The following C10orf71 variants were observed in gnomAD, a reference collection of about 807,000 sequenced individuals.
C10orf71 encodes cardiac-enriched FHL2-interacting protein.
For synonymous variants in C10orf71, 758 were observed against 726.3 expected (o/e 1.04, Z -0.70); for missense variants, 1,869 against 1,804.5 (o/e 1.04, Z -0.65).
Position 49,323,881 on chromosome 10 carries a change from C to T in C10orf71, c.1336C>T (p.Leu446Phe). Reference protein sequence around the residue: ...HYDPPFNISKLLTPIIPSKHA... With the variant: ...HYDPPFNISKFLTPIIPSKHA... ...TGATCCCCCCTTTAACATCAGTAAG[C>T]TCCTGACCCCCATCATACCCAGCAA... Residue 446 changes from leucine to phenylalanine, a missense_variant, in exon 3 of 3, where the codon CTC becomes TTC. Physicochemically the swap from Leu to Phe is conservative, Grantham distance 22. Transcript: ENST00000374144. 6.2e-7 allele frequency: 1 copy of T among 1,613,592 alleles called. No individual in the cohort carries two copies. The highest frequency in any genetic ancestry group is 1.1e-5 in the South Asian group (1 of 91,054).
At position 49,325,443 on chromosome 10, in the gene C10orf71, G is replaced by A; in HGVS notation, c.2898G>A (p.Glu966=). 2 of 1,550,080 alleles carry A rather than the reference G, an allele frequency of 1.3e-6. No individual in the cohort carries two copies. The highest frequency in any genetic ancestry group is 1.7e-6 in the Non-Finnish European group (2 of 1,145,762). ...GNFPSMPLVG[E]GDRVKAPPDA... is the part of the protein sequence containing the mutation. Reference sequence around the variant, plus strand: ...TCCCATCTATGCCTCTGGTGGGAGAGGGGGACCGGGTGAAGGCACCACCAG... The same window carrying A: ...TCCCATCTATGCCTCTGGTGGGAGAAGGGGACCGGGTGAAGGCACCACCAG... The change falls in exon 3 of 3, where the codon GAG becomes GAA. Residue 966 remains glutamate, a synonymous_variant. Coordinates refer to ENST00000374144, the MANE Select transcript of C10orf71 (RefSeq NM_001135196.2).
rs1849163867 is a variant in C10orf71 at position 49,324,155 on chromosome 10, C to G, written c.1610C>G (p.Pro537Arg). ...GGTAAGGTTGATGGAAAGCAAGAAC[C>G]TGTGAGCAACGGTGTCATCCTCCCC... ...TRGKVDGKQE[P>R]VSNGVILPNG... Residue 537 changes from proline (P) to arginine (R), a missense_variant, in exon 3 of 3, where the codon CCT (proline) becomes CGT (arginine). Transcript: ENST00000374144. 1 of 1,613,888 alleles carries G rather than the reference C, an allele frequency of 6.2e-7. No individual in the cohort carries two copies. Among genetic ancestry groups the G allele is most frequent in the Non-Finnish European group, 8.5e-7 (1 of 1,179,916 alleles).
chr10:49,316,939 A>G (rs1849008882), intron 2 of C10orf71, among the ~76,000 whole-genome samples: 1 of 152,228 alleles, frequency 6.6e-6, no homozygotes, highest in African/African-American at 2.4e-5. Flanking sequence ...TATTCAAAAA[A>G]CAAATAGTGA....
chr10:49,309,801 T>C (rs188744584), intron 1 of C10orf71, among the ~76,000 whole-genome samples: 43 of 152,254 alleles, frequency 2.8e-4, no homozygotes, highest in African/African-American at 9.6e-4. Context: ...TCGTCACACA[T>C]GCCTGAGTCG....
chr10:49,313,606 C>T (rs551570144), intron 1 of C10orf71, among the ~76,000 whole-genome samples: 5 of 152,214 alleles, frequency 3.3e-5, no homozygotes, highest in South Asian at 2.1e-4. Context: ...ACACAATGAC[C>T]GTGGAGATGG....
At chr10:49,319,577 G>A (rs1319927302) in intron 2 of C10orf71, among the ~76,000 whole-genome samples, 1 of 151,488 alleles carries the variant, frequency 6.6e-6, no homozygotes, top group Non-Finnish European at 1.5e-5. Flanking sequence ...CTACATTTGT[G>A]GCAACATTTT....
At chr10:49,315,944 T>C (rs1848992834) in intron 1 of C10orf71, among the ~76,000 whole-genome samples, 1 of 152,154 alleles carries the variant, frequency 6.6e-6, no homozygotes, top group African/African-American at 2.4e-5. Context: ...TAATCCCAGC[T>C]ACTTGGGTGG....
At position 49,325,506 on chromosome 10, in the gene C10orf71, C is replaced by A. The variant is rs866082565; in HGVS notation, c.2961C>A (p.Ser987Arg). 1 of 1,550,468 alleles carries A rather than the reference C, an allele frequency of 6.4e-7. No individual in the cohort carries two copies. Reference sequence around the variant, plus strand: ...GCCTCGTGGCAAGCAATTGCAAGAGCGGTTCTGCAGACTCAGGGAAGCTGG... The same window carrying A: ...GCCTCGTGGCAAGCAATTGCAAGAGAGGTTCTGCAGACTCAGGGAAGCTGG... ...APGLVASNCK[S>R]GSADSGKLAA... The change falls in exon 3 of 3, where the codon AGC becomes AGA. Residue 987 changes from serine (S) to arginine (R), a missense_variant. Coordinates refer to ENST00000374144, the MANE Select transcript of C10orf71 (RefSeq NM_001135196.2).
At position 49,326,204 on chromosome 10, in the gene C10orf71, G is replaced by A; in HGVS notation, c.3659G>A (p.Arg1220Lys). The change falls in exon 3 of 3, where the codon AGG (arginine) becomes AAG (lysine). Residue 1220 changes from arginine (R) to lysine (K), a missense_variant. By Grantham distance (26) the Arg-to-Lys change is conservative. Coordinates refer to ENST00000374144, the MANE Select transcript of C10orf71 (RefSeq NM_001135196.2). ...GAGGACTTGGAGCAGACACAGCAAA[G>A]GCCGCTGTGCCCCAGAGAGAGGCCC... ...CPEDLEQTQQ[R>K]PLCPRERPRH... 6.4e-7 allele frequency: 1 copy of A among 1,551,348 alleles called. No homozygotes were observed. The highest frequency in any genetic ancestry group is 2.0e-5 in the Admixed American group (1 of 51,006).
Position 49,324,069 on chromosome 10 carries a change from G to T in C10orf71, c.1524G>T (p.Lys508Asn). Reference sequence around the variant, plus strand: ...TGTTCAACCTCAAGGACGTGCGGAAGCGTGTTAAGAGCACATACAGTTCCT... The same window carrying T: ...TGTTCAACCTCAAGGACGTGCGGAATCGTGTTAAGAGCACATACAGTTCCT... ...SLLFNLKDVR[K>N]RVKSTYSSSP... The change falls in exon 3 of 3, where the codon AAG (lysine) becomes AAT (asparagine). Residue 508 changes from lysine (K) to asparagine (N), a missense_variant. Coordinates refer to ENST00000374144, the MANE Select transcript of C10orf71 (RefSeq NM_001135196.2). 6.2e-7 allele frequency: 1 copy of T among 1,613,962 alleles called. No homozygotes were observed. Among genetic ancestry groups the T allele is most frequent in the Non-Finnish European group, 8.5e-7 (1 of 1,179,888 alleles).
intron 1 of C10orf71, among the ~76,000 whole-genome samples, chr10:49,309,202 G>A (rs550436650): frequency 6.6e-6 from 1 of 152,344 alleles, no homozygotes; most frequent in East Asian, 1.9e-4. Context: ...GCTATGGGCT[G>A]AATGTGTGTG....
chr10:49,318,959 C>T (rs1849044368), intron 2 of C10orf71, among the ~76,000 whole-genome samples: 1 of 152,240 alleles, frequency 6.6e-6, no homozygotes. Flanking sequence ...CTTCACCATC[C>T]ATCCCCTGGA....
chr10:49,303,073 T>A (rs1385591864), intron 1 of C10orf71, among the ~76,000 whole-genome samples: 2 of 152,172 alleles, frequency 1.3e-5, no homozygotes, highest in African/African-American at 4.8e-5. Flanking sequence ...TATTTAGAGA[T>A]TTTTTTCTTC....
Position 49,324,185 on chromosome 10 carries a change from G to C in C10orf71, c.1640G>C (p.Gly547Ala), listed in dbSNP as rs1564691185. ...PVSNGVILPN[G>A]LEESPPNELS... Reference sequence around the variant, plus strand: ...AGCAACGGTGTCATCCTCCCCAATGGGCTTGAGGAAAGCCCTCCAAATGAG... The same window carrying C: ...AGCAACGGTGTCATCCTCCCCAATGCGCTTGAGGAAAGCCCTCCAAATGAG... The change falls in exon 3 of 3, where the codon GGG becomes GCG. Residue 547 changes from glycine to alanine, a missense_variant. Transcript: ENST00000374144. 6.2e-7 allele frequency: 1 copy of C among 1,613,892 alleles called. No homozygotes were observed. Among genetic ancestry groups the C allele is most frequent in the Non-Finnish European group, 8.5e-7 (1 of 1,179,884 alleles).
Position 49,326,095 on chromosome 10 carries a change from G to C in C10orf71, c.3550G>C (p.Ala1184Pro). The C allele has an allele frequency of 6.4e-7, 1 of 1,551,740 alleles. No individual in the cohort carries two copies. Among genetic ancestry groups the C allele is most frequent in the Non-Finnish European group, 8.7e-7 (1 of 1,147,008 alleles). Residue 1184 changes from alanine (A) to proline (P), a missense_variant, in exon 3 of 3, where the codon GCA (alanine) becomes CCA (proline). By Grantham distance (27) the Ala-to-Pro change is conservative. Coordinates refer to ENST00000374144, the MANE Select transcript of C10orf71 (RefSeq NM_001135196.2). ...PPKTEKALRR[A>P]KKLASKRRKT... ...CAAAACAGAGAAAGCCCTGCGGCGG[G>C]CAAAGAAGCTGGCAAGTAAGAGGAG...
chr10:49,307,040 G>A (rs1848826254), intron 1 of C10orf71, among the ~76,000 whole-genome samples: 1 of 152,256 alleles, frequency 6.6e-6, no homozygotes, highest in Non-Finnish European at 1.5e-5. Flanking sequence ...CCTGGGCAGT[G>A]GAGCAGGACT....
At chr10:49,316,639 T>G (rs1184876825) in intron 2 of C10orf71, among the ~76,000 whole-genome samples, 1 of 152,180 alleles carries the variant, frequency 6.6e-6, no homozygotes, top group East Asian at 1.9e-4. Flanking sequence ...TCTTGTAGCC[T>G]CAAGGTGACA....
At chr10:49,310,474 C>T (rs752600683) in intron 1 of C10orf71, among the ~76,000 whole-genome samples, 12 of 152,160 alleles carry the variant, frequency 7.9e-5, no homozygotes, top group Non-Finnish European at 1.6e-4. Context: ...TGAGCCCAGG[C>T]TGACTCGTCC....
chr10:49,311,055 A>G (rs1848904296), intron 1 of C10orf71, among the ~76,000 whole-genome samples: 2 of 151,574 alleles, frequency 1.3e-5, no homozygotes, highest in South Asian at 4.2e-4. Flanking sequence ...TGTCCCCAGG[A>G]CCACCAAGAC....
Sources: gnomAD v4.1 joint callset for allele counts (sites outside exome capture counted in the v4.1 genomes callset) on GRCh38, gnomAD v4.1.1 for gene constraint, MANE v1.5 for transcripts, NCBI Gene and HGNC (gene_info 2026-07-23, HGNC 2026-07-21) for gene names.